ZBTB44: variants seen among roughly 807,000 people sequenced by gnomAD.
ZBTB44 encodes zinc finger and BTB domain-containing protein 44.
ZBTB44 carries 15 observed loss-of-function variants against 54.0 expected under a neutral mutation model. The observed-to-expected ratio is 0.28, with a 90% CI of 0.19 to 0.43. The LOEUF is 0.43. Ranked by LOEUF, ZBTB44 falls within the 20% of genes least tolerant of loss-of-function variation. The pLI, the probability that ZBTB44 is intolerant of heterozygous loss-of-function variation, is 1.00. For synonymous variants in ZBTB44, 230 were observed against 250.1 expected (o/e 0.92, Z 0.76); for missense variants, 487 against 707.1 (o/e 0.69, Z 3.53).
At chr11:130,297,077 T>C in intron 1 of ZBTB44, 1 of 632,520 alleles carries the variant, frequency 1.6e-6, no homozygotes, top group Non-Finnish European at 2.9e-6. Flanking sequence ...TTCTTTCATC[T>C]TGAATAACTG....
rs966448112 is a variant in ZBTB44, at chr11:130,228,671, G to C, written c.*3093C>G. ...CTTCCTCAGCAGGTGATGTACTTTG[G>C]TAACCTCAACATTCATTTATGGGAT... On this transcript the variant is annotated 3_prime_UTR_variant, in exon 8 of 8. Coordinates refer to ENST00000357899, the MANE Select transcript of ZBTB44 (RefSeq NM_001301098.2). 1 of 152,120 alleles carries C rather than the reference G, an allele frequency of 6.6e-6. No homozygotes were observed. The highest frequency in any genetic ancestry group is 6.6e-5 in the Admixed American group (1 of 15,260). The allele number at this position is 152,120 out of a possible 1,614,324, so 9.4% of individuals were successfully genotyped here.
At chr11:130,285,748 C>G (rs1398427526) in intron 1 of ZBTB44, 1 of 228,736 alleles carries the variant, frequency 4.4e-6, no homozygotes, top group South Asian at 7.4e-5. Context: ...AGTATTTGTT[C>G]CCAAACCAGT....
chr11:130,313,675 C>T (rs909821428), intron 1 of ZBTB44, among the ~76,000 whole-genome samples: 19 of 152,144 alleles, frequency 1.2e-4, no homozygotes, highest in Non-Finnish European at 2.5e-4. Flanking sequence ...TCTACTTACA[C>T]GCTGAAAAAG....
intron 1 of ZBTB44, among the ~76,000 whole-genome samples, chr11:130,266,295 G>A (rs748548547): frequency 3.3e-5 from 5 of 152,202 alleles, no homozygotes; most frequent in Non-Finnish European, 7.3e-5. Context: ...TGTTGAGGCC[G>A]ACTGCTCACA....
At chr11:130,277,738 T>C (rs535284952) in intron 1 of ZBTB44, among the ~76,000 whole-genome samples, 44 of 152,314 alleles carry the variant, frequency 2.9e-4, no homozygotes, top group African/African-American at 1.0e-3. Context: ...CAAATTACCA[T>C]CTAGGGTCAT....
At chr11:130,287,708 T>C (rs1005553900) in intron 1 of ZBTB44, among the ~76,000 whole-genome samples, 40 of 152,206 alleles carry the variant, frequency 2.6e-4, no homozygotes, top group African/African-American at 8.4e-4. Context: ...AAATAATGAT[T>C]GGAGAAATGG....
chr11:130,236,845 G>A lies in ZBTB44; in HGVS notation c.1516C>T (p.Leu506=), dbSNP rs1362531114. 9 of 1,473,048 alleles carry A rather than the reference G, an allele frequency of 6.1e-6. No homozygotes were observed. Among genetic ancestry groups the A allele is most frequent in the Non-Finnish European group, 8.1e-6 (9 of 1,113,758 alleles). 91.2% of individuals were successfully genotyped at this position (1,473,048 alleles called of 1,614,324 possible). The change falls in exon 5 of 8, where the codon CTG becomes TTG. Residue 506 remains leucine, a synonymous_variant. Transcript: ENST00000357899. ...GATGCTTCATGGTTCAGACTCCTCAGGTGCACGATTAAATTTCCAGAGTTG... is the reference window on the plus strand; with the variant it reads ...GATGCTTCATGGTTCAGACTCCTCAAGTGCACGATTAAATTTCCAGAGTTG... ...FTNSGNLIVH[L]RSLNHEASEL...
At chr11:130,246,878 G>A (rs1274422002) in intron 2 of ZBTB44, among the ~76,000 whole-genome samples, 2 of 152,064 alleles carry the variant, frequency 1.3e-5, no homozygotes, top group African/African-American at 2.4e-5. Flanking sequence ...CTTATTTAAA[G>A]CGAGACTAAA....
intron 1 of ZBTB44, among the ~76,000 whole-genome samples, chr11:130,272,261 T>C (rs1939728274): frequency 6.6e-6 from 1 of 152,170 alleles, no homozygotes; most frequent in South Asian, 2.1e-4. Flanking sequence ...AGGATTCTGA[T>C]TTCTCCACAT....
intron 1 of ZBTB44, among the ~76,000 whole-genome samples, chr11:130,274,650 C>T (rs1592005881): frequency 6.6e-6 from 1 of 151,806 alleles, no homozygotes; most frequent in Non-Finnish European, 1.5e-5. Flanking sequence ...TAATATATTC[C>T]ATTAATTAAT....
At chr11:130,313,924 A>ATGTGTGTG (rs909767246) in intron 1 of ZBTB44, among the ~76,000 whole-genome samples, 1 of 86,324 alleles carries the variant, frequency 1.2e-5, no homozygotes, top group African/African-American at 3.5e-5. Flanking sequence ...GTGTGTGTGT[A>ATGTGTGTG]TGTGTGTGTG....
At chr11:130,313,767 T>A (rs1942756195) in intron 1 of ZBTB44, among the ~76,000 whole-genome samples, 1 of 152,160 alleles carries the variant, frequency 6.6e-6, no homozygotes, top group Non-Finnish European at 1.5e-5. Context: ...TCTGCTTGGA[T>A]TCATAGAACT....
chr11:130,254,167 TC>T (rs1938247465), intron 2 of ZBTB44, among the ~76,000 whole-genome samples: 1 of 152,144 alleles, frequency 6.6e-6, no homozygotes, highest in Non-Finnish European at 1.5e-5. Flanking sequence ...GGCAAGGACT[TC>T]ATCTCTAAAA....
At chr11:130,307,179 C>A (rs563253425) in intron 1 of ZBTB44, among the ~76,000 whole-genome samples, 71 of 152,134 alleles carry the variant, frequency 4.7e-4, no homozygotes, top group African/African-American at 1.7e-3. Flanking sequence ...AATCCCAGCA[C>A]TTTGGGAGGC....
intron 1 of ZBTB44, among the ~76,000 whole-genome samples, chr11:130,292,276 G>A (rs559406829): frequency 4.2e-4 from 64 of 152,194 alleles, no homozygotes; most frequent in Admixed American, 9.2e-4. Flanking sequence ...AATTATTTCT[G>A]TTTCTATACC....
chr11:130,271,619 G>T (rs895629838), intron 1 of ZBTB44, among the ~76,000 whole-genome samples: 12 of 152,056 alleles, frequency 7.9e-5, no homozygotes, highest in African/African-American at 2.7e-4. Context: ...TGGACGTTTG[G>T]GGCTCACTTC....
intron 1 of ZBTB44, among the ~76,000 whole-genome samples, chr11:130,269,394 A>G (rs527271978): frequency 1.2e-4 from 19 of 152,348 alleles, no homozygotes; most frequent in Non-Finnish European, 2.1e-4. Context: ...AGTAAAGATC[A>G]GTATTAACTA....
chr11:130,304,066 ATTT>A (rs574996169), intron 1 of ZBTB44, among the ~76,000 whole-genome samples: 5 of 152,294 alleles, frequency 3.3e-5, no homozygotes, highest in African/African-American at 1.2e-4. Flanking sequence ...AATCTAATGT[ATTT>A]TTTTAATTTT....
At position 130,286,218 on chromosome 11, in the gene ZBTB44, C is replaced by CT. The variant is rs762241071; in HGVS notation, c.-56-24290dup. ...CACCAATGGGCCAGAATATTAAAAG[C>CT]TGAGTCCTTAGCTGTAGTTATTTGC... is the stretch of plus-strand genomic sequence containing the variant. On this transcript the variant is annotated intron_variant, in intron 1 of 7. Transcript: ENST00000357899. 4.6e-5 allele frequency among the ~76,000 whole-genome samples: 7 copies of CT among 152,198 alleles called. No individual in the cohort carries two copies. In the East Asian group the frequency reaches 1.2e-3, roughly 25 times the overall value.
Sources: allele counts gnomAD v4.1 joint callset (sites outside exome capture counted in the v4.1 genomes callset), GRCh38; gene constraint gnomAD v4.1.1; transcripts MANE v1.5; gene names NCBI Gene and HGNC (gene_info 2026-07-23, HGNC 2026-07-21).